SAMD3: variants seen among roughly 807,000 people sequenced by gnomAD.
SAMD3 encodes the protein sterile alpha motif domain containing 3, also known as sterile alpha motif domain-containing protein 3.
SAMD3 carries 63 observed loss-of-function variants against 58.5 expected under a neutral mutation model. The ratio of observed to expected loss-of-function variants is 1.08; its 90% confidence interval spans 0.88 to 1.33. SAMD3 has a LOEUF of 1.33. SAMD3 is among the 40% of genes most tolerant of loss of function. The pLI, the probability that SAMD3 is intolerant of heterozygous loss-of-function variation, is 0.00. For missense variants in SAMD3, 604 were observed against 608.4 expected, an observed-to-expected ratio of 0.99 and a Z score of 0.08; for synonymous variants, 220 against 210.3, an observed-to-expected ratio of 1.05 and a Z score of -0.40.
intron 5 of SAMD3, among the ~76,000 whole-genome samples, chr6:130,188,534 C>T (rs896835114): frequency 2.6e-5 from 4 of 152,104 alleles, no homozygotes; most frequent in Non-Finnish European, 4.4e-5. Flanking sequence ...CATTCATTAC[C>T]CTGTAGATTC....
intron 8 of SAMD3, among the ~76,000 whole-genome samples, chr6:130,166,376 A>G (rs2114633644): frequency 6.6e-6 from 1 of 152,366 alleles, no homozygotes; most frequent in South Asian, 2.1e-4. Context: ...GAATGGCATA[A>G]GAACAGTCTG....
chr6:130,150,130 C>T (rs1473402838), intron 9 of SAMD3, among the ~76,000 whole-genome samples: 3 of 151,760 alleles, frequency 2.0e-5, no homozygotes, highest in Admixed American at 6.6e-5. Flanking sequence ...TGTGTGTGTG[C>T]GTGTATTTCA....
At chr6:130,229,841 G>A (rs1488269734) in intron 2 of SAMD3, among the ~76,000 whole-genome samples, 8 of 152,120 alleles carry the variant, frequency 5.3e-5, no homozygotes, top group Admixed American at 5.2e-4. Context: ...AGCTAGGAGG[G>A]GAAGGAAGCT....
chr6:130,330,029 C>T (rs1776879580), intron 1 of SAMD3, among the ~76,000 whole-genome samples: 1 of 152,114 alleles, frequency 6.6e-6, no homozygotes, highest in Non-Finnish European at 1.5e-5. Flanking sequence ...ACATGTATAC[C>T]TATGTACCAA....
chr6:130,237,323 A>G (rs1263811652), intron 2 of SAMD3, among the ~76,000 whole-genome samples: 1 of 151,968 alleles, frequency 6.6e-6, no homozygotes, highest in African/African-American at 2.4e-5. Context: ...GCCCCCCTCC[A>G]CTCTATTATG....
At chr6:130,227,280 A>G (rs960156009), upstream of SAMD3, among the ~76,000 whole-genome samples, 2 of 152,190 alleles carry the variant, frequency 1.3e-5, no homozygotes, top group Non-Finnish European at 2.9e-5. Context: ...AGGTTCATTC[A>G]TGTAGCTTGT....
intron 2 of SAMD3, among the ~76,000 whole-genome samples, chr6:130,263,579 A>C (rs750236027): frequency 4.6e-5 from 7 of 152,164 alleles, no homozygotes; most frequent in Non-Finnish European, 8.8e-5. Flanking sequence ...AACTAAAGCT[A>C]AGAAAAATTT....
At chr6:130,210,484 A>G (rs912622194) in intron 4 of SAMD3, among the ~76,000 whole-genome samples, 5 of 152,028 alleles carry the variant, frequency 3.3e-5, no homozygotes, top group African/African-American at 1.2e-4. Flanking sequence ...CTGTAATCTC[A>G]GCTACTTGGG....
chr6:130,352,589 T>G (rs1777709904), intron 1 of SAMD3, among the ~76,000 whole-genome samples: 2 of 152,230 alleles, frequency 1.3e-5, no homozygotes, highest in South Asian at 4.1e-4. Context: ...AAGCTCATTG[T>G]GTAGCTGCAC....
At position 130,294,685 on chromosome 6, in the gene SAMD3, C is replaced by CT. The variant is rs538990253; in HGVS notation, c.-188+18292dup. Among the ~76,000 whole-genome samples the CT allele has an allele frequency of 1.2e-3, 185 of 150,288 alleles. 1 individual carries two copies. Among genetic ancestry groups the CT allele is most frequent in the African/African-American group, 4.3e-3 (177 of 40,850 alleles). ...GACCTCAAAATTATATAACTCCCTG[C>CT]TTTTTGGTTGTGTAAAAATTTGTAC... On this transcript the variant is annotated intron_variant, in intron 2 of 13. Transcript: ENST00000368134.
intron 2 of SAMD3, among the ~76,000 whole-genome samples, chr6:130,282,138 A>G (rs1583046974): frequency 6.8e-6 from 1 of 146,676 alleles, no homozygotes; most frequent in Non-Finnish European, 1.5e-5. Flanking sequence ...ACACACACGC[A>G]CACACACAAG....
rs114183252 is a variant in SAMD3 at position 130,311,003 on chromosome 6, C to T, written c.-188+1975G>A. ...CACCAGCCCAATGCGAGGGCACTGG[C>T]GAGGTGTACCTTGGATGTATGGCTC... On this transcript the variant is annotated intron_variant, in intron 2 of 13. Coordinates refer to the SAMD3 transcript ENST00000368134. Among the ~76,000 whole-genome samples the T allele has an allele frequency of 7.7e-3, 1,178 of 152,150 alleles. 20 individuals carry two copies. The highest frequency in any genetic ancestry group is 0.027 in the African/African-American group (1,122 of 41,522).
chr6:130,271,952 G>A (rs929397574), intron 2 of SAMD3, among the ~76,000 whole-genome samples: 7 of 152,096 alleles, frequency 4.6e-5, no homozygotes, highest in African/African-American at 1.7e-4. Context: ...CCTCCCACTG[G>A]GTCCCTCCCA....
intron 2 of SAMD3, among the ~76,000 whole-genome samples, chr6:130,257,149 C>T (rs547763098): frequency 2.0e-5 from 3 of 152,220 alleles, no homozygotes; most frequent in Admixed American, 2.0e-4. Context: ...GGAAAGATCT[C>T]TCTCTGTCTC....
At chr6:130,327,925 A>T (rs1458725872) in intron 1 of SAMD3, among the ~76,000 whole-genome samples, 1 of 152,140 alleles carries the variant, frequency 6.6e-6, no homozygotes, top group Admixed American at 6.5e-5. Flanking sequence ...TTTCAAACCA[A>T]TCAGGAGAAT....
intron 1 of SAMD3, among the ~76,000 whole-genome samples, chr6:130,351,362 A>C (rs1354889172): frequency 1.3e-5 from 2 of 152,184 alleles, no homozygotes; most frequent in Non-Finnish European, 2.9e-5. Context: ...TCTTCAATGA[A>C]CTCCAACAAA....
intron 2 of SAMD3, among the ~76,000 whole-genome samples, chr6:130,296,843 A>C (rs1316063818): frequency 1.3e-5 from 2 of 152,132 alleles, no homozygotes; most frequent in African/African-American, 4.8e-5. Context: ...AGTCTTTATG[A>C]AATAAGGGTC....
intron 1 of SAMD3, among the ~76,000 whole-genome samples, chr6:130,217,369 G>C (rs1038237884): frequency 1.2e-4 from 19 of 152,304 alleles, no homozygotes; most frequent in Admixed American, 1.1e-3. Context: ...ATTTCAAAAT[G>C]TGAAGGCAAG....
chr6:130,281,566 A>T (rs909835695), intron 2 of SAMD3, among the ~76,000 whole-genome samples: 1 of 152,038 alleles, frequency 6.6e-6, no homozygotes, highest in Non-Finnish European at 1.5e-5. Flanking sequence ...TCTGCTTGAA[A>T]TCCTTCAAGA....
Sources: allele counts gnomAD v4.1 joint callset (sites outside exome capture counted in the v4.1 genomes callset), GRCh38; gene constraint gnomAD v4.1.1; transcripts MANE v1.5; gene names NCBI Gene and HGNC (gene_info 2026-07-23, HGNC 2026-07-21).